The following NRXN3 variants were observed in gnomAD, a reference collection of about 807,000 sequenced individuals.
The protein encoded by NRXN3 is neurexin III.
In NRXN3, 32 loss-of-function variants were observed where a neutral mutation model predicts 137.6. The observed-to-expected ratio is 0.23, with a 90% CI of 0.18 to 0.31. The LOEUF is 0.31. Among genes scored for constraint, NRXN3 ranks in the 10% least tolerant of loss-of-function variants. The pLI, the probability that NRXN3 is intolerant of heterozygous loss-of-function variation, is 1.00. For synonymous variants in NRXN3, 798 were observed against 784.5 expected (o/e 1.02, Z -0.29); for missense variants, 1,574 against 2,062.5 (o/e 0.76, Z 4.59).
At chr14:79,063,569 T>C (rs536677562) in intron 15 of NRXN3, among the ~76,000 whole-genome samples, 1 of 152,244 alleles carries the variant, frequency 6.6e-6, no homozygotes, top group East Asian at 1.9e-4. Context: ...ACCTTTTATA[T>C]TAACAAAACC....
At chr14:78,635,003 A>G (rs1375807682) in intron 4 of NRXN3, among the ~76,000 whole-genome samples, 1 of 152,110 alleles carries the variant, frequency 6.6e-6, no homozygotes, top group Non-Finnish European at 1.5e-5. Context: ...ACTTGGTACC[A>G]CCTCTAGATC....
intron 16 of NRXN3, among the ~76,000 whole-genome samples, chr14:79,638,422 G>C (rs1463372051): frequency 6.6e-6 from 1 of 152,150 alleles, no homozygotes; most frequent in Admixed American, 6.5e-5. Context: ...TGAGAAAACT[G>C]ACAGAGTGAC....
At chr14:78,762,565 G>T (rs1369665393) in intron 8 of NRXN3, among the ~76,000 whole-genome samples, 1 of 151,962 alleles carries the variant, frequency 6.6e-6, no homozygotes, top group East Asian at 1.9e-4. Context: ...AACACATGGG[G>T]GTGAGTTAAA....
chr14:79,608,772 C>T (rs763430128), intron 16 of NRXN3, among the ~76,000 whole-genome samples: 2 of 152,016 alleles, frequency 1.3e-5, no homozygotes, highest in Non-Finnish European at 2.9e-5. Context: ...ACACCTGTCC[C>T]CATTTGTTGA....
intron 8 of NRXN3, among the ~76,000 whole-genome samples, chr14:78,727,997 A>G (rs1377102277): frequency 1.3e-5 from 2 of 152,224 alleles, no homozygotes; most frequent in Non-Finnish European, 2.9e-5. Context: ...TATAATTTGC[A>G]AAGAAATAAC....
At chr14:78,288,396 G>A (rs891702103) in intron 3 of NRXN3, among the ~76,000 whole-genome samples, 1 of 152,190 alleles carries the variant, frequency 6.6e-6, no homozygotes, top group Non-Finnish European at 1.5e-5. Context: ...CTTTACTATT[G>A]TAATGTCAGT....
chr14:79,342,396 T>G (rs1333667326), intron 15 of NRXN3, among the ~76,000 whole-genome samples: 1 of 152,198 alleles, frequency 6.6e-6, no homozygotes, highest in East Asian at 1.9e-4. Flanking sequence ...ATACATTATT[T>G]TACTTTATGA....
At chr14:78,826,572 A>G (rs1252831673) in intron 10 of NRXN3, among the ~76,000 whole-genome samples, 2 of 152,244 alleles carry the variant, frequency 1.3e-5, no homozygotes, top group Non-Finnish European at 2.9e-5. Flanking sequence ...CACTGGTTGC[A>G]TACCTTTGAA....
intron 20 of NRXN3, among the ~76,000 whole-genome samples, chr14:79,855,745 A>T (rs1039714020): frequency 6.6e-6 from 1 of 152,194 alleles, no homozygotes; most frequent in African/African-American, 2.4e-5. Context: ...AAATAATAAC[A>T]TTAGTAACTA....
At chr14:78,601,389 T>C (rs1243803572) in intron 4 of NRXN3, among the ~76,000 whole-genome samples, 1 of 152,176 alleles carries the variant, frequency 6.6e-6, no homozygotes, top group Non-Finnish European at 1.5e-5. Flanking sequence ...TTTCCTATGA[T>C]GGCGAGCTTA....
At chr14:79,527,322 C>T (rs2097129804) in intron 16 of NRXN3, among the ~76,000 whole-genome samples, 1 of 134,736 alleles carries the variant, frequency 7.4e-6, no homozygotes, top group South Asian at 2.4e-4. Context: ...AAAAAGACTG[C>T]TTTAGGATTT....
At chr14:79,610,518 C>T (rs1190118380) in intron 16 of NRXN3, among the ~76,000 whole-genome samples, 1 of 152,188 alleles carries the variant, frequency 6.6e-6, no homozygotes. Context: ...CCAGCCACAG[C>T]ACTAGCTACT....
intron 15 of NRXN3, among the ~76,000 whole-genome samples, chr14:79,297,975 A>G (rs2084476151): frequency 6.6e-6 from 1 of 152,074 alleles, no homozygotes; most frequent in Non-Finnish European, 1.5e-5. Flanking sequence ...CCATTTAATT[A>G]TCACTTTTCT....
chr14:78,240,955 C>T (rs1161250016), intron 1 of NRXN3, among the ~76,000 whole-genome samples: 1 of 152,152 alleles, frequency 6.6e-6, no homozygotes, highest in Non-Finnish European at 1.5e-5. Flanking sequence ...TAATAAGCAG[C>T]AACTTGCACA....
In NRXN3 at chr14:78,894,482, C is replaced by G. The variant is rs8011333; in HGVS notation, c.2276-62760C>G. Among the ~76,000 whole-genome samples the G allele has an allele frequency of 6.2e-3, 937 of 151,968 alleles. 9 individuals are homozygous for G. Among genetic ancestry groups the G allele is most frequent in the African/African-American group, 0.021 (881 of 41,496 alleles). On this transcript the variant is annotated intron_variant, in intron 10 of 20. Transcript: ENST00000335750. ...AGTTTCTACCTCTAGTTCTAGTTCT[C>G]TTGCTACTTCCACCACATCTGCATC...
At chr14:78,941,489 T>C (rs2099352838) in intron 10 of NRXN3, among the ~76,000 whole-genome samples, 1 of 152,182 alleles carries the variant, frequency 6.6e-6, no homozygotes, top group East Asian at 1.9e-4. Context: ...CTAGTTCCTC[T>C]ACCCCTTTGT....
At chr14:79,688,570 A>T (rs2098704324) in intron 17 of NRXN3, among the ~76,000 whole-genome samples, 1 of 152,132 alleles carries the variant, frequency 6.6e-6, no homozygotes, top group Admixed American at 6.5e-5. Context: ...AGAGGAATTG[A>T]TGTATATTGA....
chr14:79,724,815 G>A (rs2098872570), intron 19 of NRXN3, among the ~76,000 whole-genome samples: 1 of 152,146 alleles, frequency 6.6e-6, no homozygotes, highest in Non-Finnish European at 1.5e-5. Context: ...AGCCTCATAA[G>A]TGTATTGGGG....
At chr14:78,257,882 C>G (rs966233951) in intron 2 of NRXN3, among the ~76,000 whole-genome samples, 6 of 152,050 alleles carry the variant, frequency 3.9e-5, no homozygotes, top group African/African-American at 1.2e-4. Flanking sequence ...AGGAGGGAAG[C>G]TAGATAGAAG....
Sources: allele counts gnomAD v4.1 joint callset (sites outside exome capture counted in the v4.1 genomes callset), GRCh38; gene constraint gnomAD v4.1.1; transcripts MANE v1.5; gene names NCBI Gene and HGNC (gene_info 2026-07-23, HGNC 2026-07-21).